The following HIVEP3 variants were observed in gnomAD, a reference collection of about 807,000 sequenced individuals.
HIVEP3 encodes transcription factor HIVEP3.
In HIVEP3, 49 loss-of-function variants were observed where a neutral mutation model predicts 152.8. The ratio of observed to expected loss-of-function variants is 0.32; its 90% CI spans 0.26 to 0.41. The LOEUF is 0.41. Among genes scored for constraint, HIVEP3 ranks in the 10% least tolerant of loss-of-function variants. The pLI is 1.00. For synonymous variants in HIVEP3, 1,269 were observed against 1,289.0 expected, an observed-to-expected ratio of 0.98 and a Z score of 0.33; for missense variants, 2,790 against 3,103.3, an observed-to-expected ratio of 0.90 and a Z score of 2.40.
intron 2 of HIVEP3, among the ~76,000 whole-genome samples, chr1:41,655,575 T>C: frequency 1.1e-5 from 1 of 90,476 alleles, no homozygotes; most frequent in African/African-American, 5.2e-5. Context: ...AGAGTGACAC[T>C]CCATCTCAAA....
At position 41,676,716 on chromosome 1, in the gene HIVEP3, T is replaced by G. The variant is rs184085766; in HGVS notation, c.-721+24200A>C. ...AGGAAACTGCCCCCCAACTCCACTC[T>G]CAATTCAGGCAGGGCTTCCCTTCAC... On this transcript the variant is annotated intron_variant, in intron 2 of 8. Coordinates refer to ENST00000372583, the MANE Select transcript of HIVEP3 (RefSeq NM_024503.5). Among the ~76,000 whole-genome samples the G allele has an allele frequency of 8.9e-3, 1,355 of 152,238 alleles. 8 individuals carry two copies. Among genetic ancestry groups the G allele is most frequent in the Middle Eastern group, 0.02 (6 of 294 alleles).
chr1:41,568,530 A>G (rs1644203950), intron 5 of HIVEP3, among the ~76,000 whole-genome samples: 1 of 152,104 alleles, frequency 6.6e-6, no homozygotes, highest in Non-Finnish European at 1.5e-5. Flanking sequence ...TAACAGGATC[A>G]CTCTTGTTGG....
intron 1 of HIVEP3, among the ~76,000 whole-genome samples, chr1:41,994,176 G>GA (rs1304377673): frequency 7.3e-6 from 1 of 137,700 alleles, no homozygotes; most frequent in South Asian, 2.3e-4. Flanking sequence ...TAAAAATAAA[G>GA]AAAAAAAATC....
intron 1 of HIVEP3, among the ~76,000 whole-genome samples, chr1:41,715,917 G>A (rs1226971106): frequency 6.6e-6 from 1 of 152,230 alleles, no homozygotes; most frequent in African/African-American, 2.4e-5. Context: ...ATATACACAG[G>A]GAATGAGACA....
At chr1:41,908,217 A>G (rs1039038308) in intron 1 of HIVEP3, among the ~76,000 whole-genome samples, 4 of 152,202 alleles carry the variant, frequency 2.6e-5, no homozygotes, top group African/African-American at 9.6e-5. Context: ...ATAACCTGTT[A>G]AAGTAGAATT....
chr1:41,615,058 G>C (rs1270259044), intron 3 of HIVEP3, among the ~76,000 whole-genome samples: 2 of 152,068 alleles, frequency 1.3e-5, no homozygotes, highest in Non-Finnish European at 2.9e-5. Flanking sequence ...GAAACGTTGT[G>C]CCATTTGGTG....
intron 1 of HIVEP3, among the ~76,000 whole-genome samples, chr1:41,775,585 G>A (rs1648649071): frequency 6.6e-6 from 1 of 152,108 alleles, no homozygotes; most frequent in African/African-American, 2.4e-5. Flanking sequence ...CCACCTCCTG[G>A]GTTCAAACGA....
intron 1 of HIVEP3, among the ~76,000 whole-genome samples, chr1:41,743,203 C>T (rs914393464): frequency 2.0e-5 from 3 of 152,148 alleles, no homozygotes; most frequent in African/African-American, 7.2e-5. Context: ...ACATGCCACA[C>T]AGCCTGCACA....
chr1:41,971,345 T>C lies in HIVEP3; in HGVS notation n.120-52821A>G, dbSNP rs548347798. On this transcript the variant is annotated intron_variant and non_coding_transcript_variant, in intron 1 of 3. Coordinates refer to the HIVEP3 transcript ENST00000489103. ...TGGCTCCCCACTTCCTACAGGGCAA[T>C]ATCCAAACTCCTTAGCCAAGCATGA... 5.9e-5 allele frequency among the ~76,000 whole-genome samples: 9 copies of C among 152,254 alleles called. No homozygotes were observed. The South Asian group carries it at 1.9e-3, about 32-fold the overall frequency.
chr1:41,649,293 C>T (rs1645509247), intron 2 of HIVEP3, among the ~76,000 whole-genome samples: 1 of 152,230 alleles, frequency 6.6e-6, no homozygotes, highest in Non-Finnish European at 1.5e-5. Flanking sequence ...GCATAAGAAT[C>T]CTCTGGGTTG....
At chr1:41,658,162 A>C (rs182618822) in intron 2 of HIVEP3, among the ~76,000 whole-genome samples, 1 of 152,230 alleles carries the variant, frequency 6.6e-6, no homozygotes, top group Non-Finnish European at 1.5e-5. Flanking sequence ...GAAATCTGTT[A>C]ATTGGTTTAC....
At chr1:41,913,080 C>A (rs187439108) in intron 1 of HIVEP3, among the ~76,000 whole-genome samples, 16 of 152,278 alleles carry the variant, frequency 1.1e-4, no homozygotes, top group Non-Finnish European at 1.9e-4. Context: ...TAACCCCATC[C>A]CAAGATGCCA....
At chr1:41,767,998 A>G (rs975362322) in intron 1 of HIVEP3, among the ~76,000 whole-genome samples, 1 of 152,238 alleles carries the variant, frequency 6.6e-6, no homozygotes, top group Non-Finnish European at 1.5e-5. Flanking sequence ...TAGATGGCAG[A>G]CATCATTCAT....
chr1:41,758,218 T>C (rs1647443460), intron 1 of HIVEP3, among the ~76,000 whole-genome samples: 1 of 152,104 alleles, frequency 6.6e-6, no homozygotes, highest in African/African-American at 2.4e-5. Flanking sequence ...CCCAGGGCTC[T>C]GGTGTGAGGG....
chr1:41,744,722 A>G (rs1647046263), intron 1 of HIVEP3, among the ~76,000 whole-genome samples: 2 of 152,152 alleles, frequency 1.3e-5, no homozygotes, highest in South Asian at 4.1e-4. Flanking sequence ...AAGACAGTTC[A>G]CCTTCTCATG....
At position 41,582,057 on chromosome 1, in the gene HIVEP3, G is replaced by A. The variant is rs1644419671; in HGVS notation, c.2741C>T (p.Ala914Val). The A allele has an allele frequency of 6.2e-7, 1 of 1,614,180 alleles. No homozygotes were observed. ...KKKRLRLAEM[A>V]QSSGESSFES... ...GAAGCTGGACTCCCCTGATGATTGG[G>A]CCATCTCTGCCAGGCGCAACCTCTT... Residue 914 changes from alanine to valine, a missense_variant, in exon 4 of 9, where the codon GCC becomes GTC. This residue lies in a region of HIVEP3 where 1,078 missense variants were observed against 1,165.3 expected (regional missense o/e 0.93). Transcript: ENST00000372583. The surrounding 1 kb of genome is among the most constrained non-coding windows in gnomAD (Gnocchi z 4.7).
chr1:41,754,723 AACTCTTCT>A (rs1359213277), intron 1 of HIVEP3, among the ~76,000 whole-genome samples: 15 of 152,288 alleles, frequency 9.8e-5, no homozygotes, highest in Non-Finnish European at 2.9e-5. Flanking sequence ...CAAGGTACCA[AACTCTTCT>A]ACTCAGATCT....
chr1:41,976,754 T>C (rs907622592), intron 1 of HIVEP3, among the ~76,000 whole-genome samples: 11 of 152,126 alleles, frequency 7.2e-5, no homozygotes, highest in African/African-American at 2.4e-4. Context: ...GATGTCCTTA[T>C]AAAAAGGGGA....
At chr1:41,737,532 C>A (rs1056000691) in intron 1 of HIVEP3, among the ~76,000 whole-genome samples, 10 of 152,156 alleles carry the variant, frequency 6.6e-5, no homozygotes, top group African/African-American at 2.4e-4. Flanking sequence ...GCTACCATGG[C>A]CCATTGAATC....
Sources: gnomAD v4.1 joint callset for allele counts (sites outside exome capture counted in the v4.1 genomes callset) on GRCh38, gnomAD v4.1.1 for gene constraint, gnomAD v4.1.1 regional missense constraint, Gnocchi (gnomAD v3.1) non-coding constraint, MANE v1.5 for transcripts, NCBI Gene and HGNC (gene_info 2026-07-23, HGNC 2026-07-21) for gene names.